PHACTR3: variants seen among roughly 807,000 people sequenced by gnomAD.
The protein encoded by PHACTR3 is protein phosphatase 1, regulatory subunit 123.
In PHACTR3, 16 loss-of-function variants were observed where a neutral mutation model predicts 66.8. The ratio of observed to expected loss-of-function variants is 0.24; its 90% CI spans 0.16 to 0.36. The LOEUF (loss-of-function observed/expected upper bound fraction) is 0.36. PHACTR3 is among the 10% of genes least tolerant of loss of function. The pLI, the probability that PHACTR3 is intolerant of heterozygous loss-of-function variation, is 1.00. For synonymous variants in PHACTR3, 323 were observed against 292.1 expected (o/e 1.11, Z -1.08); for missense variants, 647 against 719.9 (o/e 0.90, Z 1.16).
At chr20:59,623,736 A>G (rs919325804) in intron 1 of PHACTR3, among the ~76,000 whole-genome samples, 1 of 152,086 alleles carries the variant, frequency 6.6e-6, no homozygotes, top group Non-Finnish European at 1.5e-5. Context: ...TGTGGTGGCC[A>G]TGTGGTGGGA....
chr20:59,669,939 G>A (rs1316946988), intron 1 of PHACTR3, among the ~76,000 whole-genome samples: 1 of 152,170 alleles, frequency 6.6e-6, no homozygotes, highest in African/African-American at 2.4e-5. Context: ...CAACGTTCTT[G>A]TTTTGATGTA....
At chr20:59,603,054 G>C (rs2033525620), upstream of PHACTR3, among the ~76,000 whole-genome samples, 1 of 152,224 alleles carries the variant, frequency 6.6e-6, no homozygotes, top group Non-Finnish European at 1.5e-5. Context: ...AAAATGCTCA[G>C]TCCAAGGCTG....
At chr20:59,787,586 G>T (rs181010314) in intron 7 of PHACTR3, among the ~76,000 whole-genome samples, 1 of 152,158 alleles carries the variant, frequency 6.6e-6, no homozygotes, top group Non-Finnish European at 1.5e-5. Flanking sequence ...GCCAACAACC[G>T]TGGCACACAC....
At chr20:59,672,636 G>A (rs2036233121) in intron 1 of PHACTR3, among the ~76,000 whole-genome samples, 1 of 152,198 alleles carries the variant, frequency 6.6e-6, no homozygotes, top group Non-Finnish European at 1.5e-5. Flanking sequence ...TCGGCACATG[G>A]AACCTGATAA....
chr20:59,635,335 A>G (rs1354868246), intron 1 of PHACTR3, among the ~76,000 whole-genome samples: 3 of 149,482 alleles, frequency 2.0e-5, no homozygotes, highest in South Asian at 4.3e-4. Flanking sequence ...CCCAGGTACA[A>G]GCAATTCTTT....
intron 1 of PHACTR3, among the ~76,000 whole-genome samples, chr20:59,644,218 CTTCCCTCACA>C (rs146549586): frequency 1.6e-3 from 243 of 152,312 alleles, no homozygotes; most frequent in African/African-American, 5.7e-3. Flanking sequence ...TGGGCAGAAG[CTTCCCTCACA>C]GAGCTATGGT....
chr20:59,615,931 A>G (rs929540847), intron 1 of PHACTR3, among the ~76,000 whole-genome samples: 8 of 152,158 alleles, frequency 5.3e-5, no homozygotes, highest in African/African-American at 1.9e-4. Flanking sequence ...TTATTTCCCT[A>G]TGTAGTCTGT....
At chr20:59,832,734 C>T (rs557480010) in intron 8 of PHACTR3, among the ~76,000 whole-genome samples, 80 of 152,200 alleles carry the variant, frequency 5.3e-4, no homozygotes, top group Admixed American at 3.4e-3. Context: ...TGCTCAGCCT[C>T]GGTGCACACA....
At position 59,687,857 on chromosome 20, in the gene PHACTR3, G is replaced by A. The variant is rs572319072; in HGVS notation, c.119-55250G>A. Among the ~76,000 whole-genome samples the A allele has an allele frequency of 3.9e-5, 6 of 152,146 alleles. No homozygotes were observed. The East Asian group carries it at 9.7e-4, about 25-fold the overall frequency. Reference sequence around the variant, plus strand: ...TTTCAGATGAAAATCACATCACATGGGGCTTTGAATTTCACAGAATCCTGT... The same window carrying A: ...TTTCAGATGAAAATCACATCACATGAGGCTTTGAATTTCACAGAATCCTGT... On this transcript the variant is annotated intron_variant, in intron 1 of 12. Coordinates refer to ENST00000371015, the MANE Select transcript of PHACTR3 (RefSeq NM_080672.5).
intron 1 of PHACTR3, among the ~76,000 whole-genome samples, chr20:59,732,499 A>T (rs939800089): frequency 2.0e-5 from 3 of 152,162 alleles, no homozygotes; most frequent in African/African-American, 4.8e-5. Context: ...GGGGCCAATT[A>T]TTCACTCTGA....
At position 59,771,568 on chromosome 20, in the gene PHACTR3, C is replaced by T. The variant is rs570177499; in HGVS notation, c.752-1711C>T. On this transcript the variant is annotated intron_variant, in intron 5 of 12. Transcript: ENST00000371015. ...CAGCCCAGTACTCTCAGCCCACCTG[C>T]GTGGTGCCCTCTCGCCCCCCTCCCT... Among the ~76,000 whole-genome samples the T allele has an allele frequency of 5.3e-5, 8 of 152,004 alleles. No homozygotes were observed. The South Asian group carries it at 1.0e-3, about 20-fold the overall frequency.
chr20:59,627,513 A>T (rs1458290383), intron 1 of PHACTR3, among the ~76,000 whole-genome samples: 2 of 152,206 alleles, frequency 1.3e-5, no homozygotes, highest in Non-Finnish European at 2.9e-5. Flanking sequence ...CATTGAGATG[A>T]GCAGGATGGG....
At chr20:59,695,040 G>A (rs2037246079) in intron 1 of PHACTR3, among the ~76,000 whole-genome samples, 1 of 151,884 alleles carries the variant, frequency 6.6e-6, no homozygotes, top group Admixed American at 6.6e-5. Flanking sequence ...TTCCCCCAAG[G>A]ATGTGGACAG....
At chr20:59,601,664 C>T (rs1035137381), upstream of PHACTR3, among the ~76,000 whole-genome samples, 16 of 152,306 alleles carry the variant, frequency 1.1e-4, no homozygotes, top group African/African-American at 2.9e-4. Flanking sequence ...GCAATTTACC[C>T]GGAGACCTTA....
intron 1 of PHACTR3, among the ~76,000 whole-genome samples, chr20:59,702,173 T>C (rs1341451678): frequency 6.6e-6 from 1 of 152,198 alleles, no homozygotes; most frequent in Non-Finnish European, 1.5e-5. Context: ...ATTTTCCAAA[T>C]GGTTAGATTT....
chr20:59,743,921 G>C (rs1408833937), intron 2 of PHACTR3, among the ~76,000 whole-genome samples: 1 of 152,124 alleles, frequency 6.6e-6, no homozygotes, highest in Non-Finnish European at 1.5e-5. Flanking sequence ...CTCACCTCCT[G>C]CTGCCCCCTC....
At chr20:59,671,710 C>T (rs1236095992) in intron 1 of PHACTR3, among the ~76,000 whole-genome samples, 1 of 152,236 alleles carries the variant, frequency 6.6e-6, no homozygotes, top group Non-Finnish European at 1.5e-5. Flanking sequence ...TCTCCGGGGC[C>T]TGCACCATGC....
intron 1 of PHACTR3, among the ~76,000 whole-genome samples, chr20:59,619,349 A>G (rs2034153405): frequency 6.6e-6 from 1 of 152,084 alleles, no homozygotes; most frequent in Admixed American, 6.6e-5. Context: ...TTGAAGATGG[A>G]GGGGACTATG....
chr20:59,765,084 C>G (rs1179991861), intron 4 of PHACTR3, among the ~76,000 whole-genome samples: 1 of 152,176 alleles, frequency 6.6e-6, no homozygotes, highest in Non-Finnish European at 1.5e-5. Context: ...CTGTGCTTAC[C>G]TGTGGCTTAA....
Sources: gnomAD v4.1 joint callset for allele counts (sites outside exome capture counted in the v4.1 genomes callset) on GRCh38, gnomAD v4.1.1 for gene constraint, MANE v1.5 for transcripts, NCBI Gene and HGNC (gene_info 2026-07-23, HGNC 2026-07-21) for gene names.